The following AFG1L variants were observed in gnomAD, a reference collection of about 807,000 sequenced individuals.
The protein encoded by AFG1L is AFG1-like ATPase.
Under a neutral mutation model 62.2 loss-of-function variants are expected in AFG1L, and 53 were observed. That is an observed-to-expected ratio of 0.85 (90% confidence interval 0.68 to 1.07). The LOEUF (loss-of-function observed/expected upper bound fraction) is 1.07, where lower values mean the gene tolerates loss of function less well. Ranked by LOEUF, AFG1L falls within the 50% of genes least tolerant of loss-of-function variation. The pLI is 0.00. For synonymous variants in AFG1L, 228 were observed against 210.3 expected, an observed-to-expected ratio of 1.08 and a Z score of -0.73; for missense variants, 555 against 590.5, an observed-to-expected ratio of 0.94 and a Z score of 0.62.
intron 10 of AFG1L, among the ~76,000 whole-genome samples, chr6:108,502,270 A>G (rs528026868): frequency 5.7e-4 from 86 of 151,824 alleles, no homozygotes; most frequent in African/African-American, 2.0e-3. Flanking sequence ...CAATGGCGTG[A>G]TCTCGGCTCA....
At position 108,524,273 on chromosome 6, in the gene AFG1L, C is replaced by T. The variant is rs1775240322; in HGVS notation, c.*1848C>T. 6.6e-6 allele frequency: 1 copy of T among 151,858 alleles called. No homozygotes were observed. Among genetic ancestry groups the T allele is most frequent in the East Asian group, 1.9e-4 (1 of 5,182 alleles). 9.4% of individuals were successfully genotyped at this position (151,858 alleles called of 1,614,324 possible). ...TCTTAGCTTTTTACTTTTCACATTCCTTTGGTAATTATTCTGTATCTTAAT... is the reference window on the plus strand; with the variant it reads ...TCTTAGCTTTTTACTTTTCACATTCTTTTGGTAATTATTCTGTATCTTAAT... On this transcript the variant is annotated 3_prime_UTR_variant, in exon 13 of 13. Transcript: ENST00000368977.
At chr6:108,295,324 G>C (rs978289003) in intron 1 of AFG1L, 106 bp downstream of exon 1, 1 of 1,299,506 alleles carries the variant, frequency 7.7e-7, no homozygotes, top group African/African-American at 1.5e-5. Context: ...CTGCTTTCAC[G>C]AAGCTGAGGG....
intron 6 of AFG1L, among the ~76,000 whole-genome samples, chr6:108,383,073 A>C (rs1344905575): frequency 6.6e-6 from 1 of 152,154 alleles, no homozygotes; most frequent in African/African-American, 2.4e-5. Flanking sequence ...CTCTGTCTCC[A>C]CTAAAAATAC....
At chr6:108,379,982 A>G (rs745508361) in intron 6 of AFG1L, among the ~76,000 whole-genome samples, 24 of 148,918 alleles carry the variant, frequency 1.6e-4, no homozygotes, top group Non-Finnish European at 2.1e-4. Context: ...CAGGTGAGTG[A>G]TGCTCCAGAT....
intron 2 of AFG1L, among the ~76,000 whole-genome samples, chr6:108,329,878 G>C (rs773632677): frequency 3.3e-5 from 5 of 152,178 alleles, no homozygotes; most frequent in Admixed American, 6.5e-5. Context: ...CAGTGTGGCA[G>C]TATTGAAAGG....
At chr6:108,423,360 T>C (rs1020119075) in intron 7 of AFG1L, among the ~76,000 whole-genome samples, 1 of 152,094 alleles carries the variant, frequency 6.6e-6, no homozygotes, top group Non-Finnish European at 1.5e-5. Flanking sequence ...AGAGGTCATG[T>C]ATAGTGCTTG....
At chr6:108,341,489 T>A (rs958421506) in intron 2 of AFG1L, among the ~76,000 whole-genome samples, 2 of 152,120 alleles carry the variant, frequency 1.3e-5, no homozygotes, top group African/African-American at 4.8e-5. Context: ...CATGCAAAGG[T>A]GAGCAGTGAT....
At chr6:108,335,313 A>G (rs543810098) in intron 2 of AFG1L, among the ~76,000 whole-genome samples, 1 of 152,276 alleles carries the variant, frequency 6.6e-6, no homozygotes, top group East Asian at 1.9e-4. Context: ...ATCCCAGCCC[A>G]CTGCCTAGCA....
rs1770703963 is a variant in AFG1L at position 108,423,889 on chromosome 6, A to G, written c.807+21835A>G. ...CTTATCATGTATTCCTTAGCCAATTATGATTGATAGGATTCATGTATTATA... is the reference window on the plus strand; with the variant it reads ...CTTATCATGTATTCCTTAGCCAATTGTGATTGATAGGATTCATGTATTATA... On this transcript the variant is annotated intron_variant, in intron 7 of 12. Coordinates refer to ENST00000368977, the MANE Select transcript of AFG1L (RefSeq NM_145315.5). Among the ~76,000 whole-genome samples, 3 of 152,194 alleles carry G rather than the reference A, an allele frequency of 2.0e-5. No individual in the cohort carries two copies. In the South Asian group the frequency reaches 6.2e-4, roughly 32 times the overall value.
At chr6:108,333,213 C>G (rs1033698399) in intron 2 of AFG1L, among the ~76,000 whole-genome samples, 2 of 151,330 alleles carry the variant, frequency 1.3e-5, no homozygotes, top group Non-Finnish European at 2.9e-5. Context: ...AGTTCGAGAC[C>G]AACCTGGCCA....
rs1322119081 is a variant in AFG1L, at chr6:108,523,396, T to G, written c.*971T>G. ...TGACAAGCCTGCTTCACAGGAAATC[T>G]GATTTGTCCTTCACTGAGCTCATCT... On this transcript the variant is annotated 3_prime_UTR_variant, in exon 13 of 13. Transcript: ENST00000368977. The G allele has an allele frequency of 6.6e-6, 1 of 152,246 alleles. No individual in the cohort carries two copies. Among genetic ancestry groups the G allele is most frequent in the Non-Finnish European group, 1.5e-5 (1 of 68,052 alleles). The allele number at this position is 152,246 out of a possible 1,614,324, so 9.4% of individuals were successfully genotyped here. A position where few individuals can be genotyped will look rare whatever the true frequency, so the allele number is the denominator to read the frequency against.
At chr6:108,399,772 T>C (rs1781487417) in intron 6 of AFG1L, among the ~76,000 whole-genome samples, 1 of 116,912 alleles carries the variant, frequency 8.6e-6, no homozygotes, top group East Asian at 2.2e-4. Flanking sequence ...TATCTCTCTT[T>C]TTTTTTTTTT....
chr6:108,351,576 C>T (rs570555672), intron 3 of AFG1L, among the ~76,000 whole-genome samples: 1 of 152,310 alleles, frequency 6.6e-6, no homozygotes, highest in East Asian at 1.9e-4. Flanking sequence ...TGCCTCCTTG[C>T]ACCAGCTAGG....
At chr6:108,296,659 G>A (rs1051352708) in intron 1 of AFG1L, among the ~76,000 whole-genome samples, 2 of 152,046 alleles carry the variant, frequency 1.3e-5, no homozygotes, top group African/African-American at 4.8e-5. Flanking sequence ...TAGTAGCTTG[G>A]AGATCATTCC....
chr6:108,466,349 C>A (rs754753784), intron 8 of AFG1L, among the ~76,000 whole-genome samples: 32 of 152,276 alleles, frequency 2.1e-4, no homozygotes, highest in Non-Finnish European at 3.7e-4. Flanking sequence ...CTAGAATGTT[C>A]ATGGTAGCAC....
At chr6:108,499,978 G>A (rs1330449077) in intron 10 of AFG1L, among the ~76,000 whole-genome samples, 1 of 151,882 alleles carries the variant, frequency 6.6e-6, no homozygotes, top group Admixed American at 6.6e-5. Flanking sequence ...GGGGTCCCTA[G>A]TGTCTATTTT....
chr6:108,496,423 A>G (rs1449309951), intron 10 of AFG1L, among the ~76,000 whole-genome samples: 1 of 152,158 alleles, frequency 6.6e-6, no homozygotes, highest in Non-Finnish European at 1.5e-5. Context: ...GGTGCTGGGG[A>G]CACTGAGGTG....
At chr6:108,403,183 A>T (rs542175571) in intron 7 of AFG1L, among the ~76,000 whole-genome samples, 3 of 152,282 alleles carry the variant, frequency 2.0e-5, no homozygotes, top group African/African-American at 7.2e-5. Context: ...AATCCCTATA[A>T]GAGAAAGCAA....
At chr6:108,407,181 G>A (rs1049327095) in intron 7 of AFG1L, among the ~76,000 whole-genome samples, 5 of 152,016 alleles carry the variant, frequency 3.3e-5, no homozygotes, top group Admixed American at 6.6e-5. Context: ...AGCCTTTGCC[G>A]GCATGGTTGG....
Sources: gnomAD v4.1 joint callset for allele counts (sites outside exome capture counted in the v4.1 genomes callset) on GRCh38, gnomAD v4.1.1 for gene constraint, MANE v1.5 for transcripts, NCBI Gene and HGNC (gene_info 2026-07-23, HGNC 2026-07-21) for gene names.